F2RL1: variants seen among roughly 807,000 people sequenced by gnomAD.
The protein encoded by F2RL1 is proteinase-activated receptor 2.
Under a neutral mutation model 21.7 loss-of-function variants are expected in F2RL1, and 16 were observed. The observed-to-expected ratio is 0.74, with a 90% CI of 0.50 to 1.12. The LOEUF is 1.12. Ranked by LOEUF, F2RL1 falls within the 50% of genes most tolerant of loss-of-function variation. The pLI, the probability that F2RL1 is intolerant of heterozygous loss-of-function variation, is 0.00. For synonymous variants in F2RL1, 181 were observed against 186.7 expected (o/e 0.97, Z 0.25); for missense variants, 432 against 477.8 (o/e 0.90, Z 0.89).
At chr5:76,826,588 C>T (rs1478373087) in intron 1 of F2RL1, among the ~76,000 whole-genome samples, 3 of 149,132 alleles carry the variant, frequency 2.0e-5, no homozygotes, top group Non-Finnish European at 4.5e-5. Flanking sequence ...ATCTCTGCAA[C>T]CTTTGCCTCT....
At position 76,832,831 on chromosome 5, in the gene F2RL1, C is replaced by T. The variant is rs1750374442; in HGVS notation, c.224C>T (p.Thr75Ile). Residue 75 changes from threonine (T) to isoleucine (I), a missense_variant, in exon 2 of 2, where the codon ACT becomes ATT. Thr to Ile is a moderately conservative substitution (Grantham distance 89). Coordinates refer to ENST00000296677, the MANE Select transcript of F2RL1 (RefSeq NM_005242.6). ...SASVLTGKLT[T>I]VFLPIVYTIV... is the part of the protein sequence containing the mutation. ...TCTGTCCTCACTGGAAAACTGACCA[C>T]TGTCTTCCTTCCAATTGTCTACACA... The T allele has an allele frequency of 7.4e-6, 12 of 1,614,230 alleles. No homozygotes were observed. The highest frequency in any genetic ancestry group is 1.0e-5 in the Non-Finnish European group (12 of 1,180,032).
intron 1 of F2RL1, among the ~76,000 whole-genome samples, chr5:76,821,841 A>G (rs1296405423): frequency 1.3e-5 from 2 of 152,008 alleles, no homozygotes; most frequent in African/African-American, 4.8e-5. Flanking sequence ...TCAGCCTCCC[A>G]AAGTGCTGGG....
At chr5:76,827,325 C>CAAAAAAAAAAAAAAA (rs764040748) in intron 1 of F2RL1, among the ~76,000 whole-genome samples, 1 of 87,602 alleles carries the variant, frequency 1.1e-5, no homozygotes, top group African/African-American at 4.7e-5. Context: ...ACTAAAAATA[C>CAAAAAAAAAAAAAAA]AAAAAAAAAA....
chr5:76,824,118 A>G (rs1023461654), intron 1 of F2RL1, among the ~76,000 whole-genome samples: 1 of 147,712 alleles, frequency 6.8e-6, no homozygotes, highest in Non-Finnish European at 1.5e-5. Flanking sequence ...ACCCTGTACA[A>G]ACTTTTATAG....
chr5:76,821,944 A>C (rs1308190379), intron 1 of F2RL1, among the ~76,000 whole-genome samples: 3 of 152,126 alleles, frequency 2.0e-5, no homozygotes, highest in Non-Finnish European at 4.4e-5. Context: ...GAGCCAAAAC[A>C]AAAAAAGGAA....
At chr5:76,825,892 C>G (rs1750229501) in intron 1 of F2RL1, among the ~76,000 whole-genome samples, 1 of 152,146 alleles carries the variant, frequency 6.6e-6, no homozygotes, top group African/African-American at 2.4e-5. Context: ...ATTGCCATTC[C>G]TTGCTCCTTT....
chr5:76,824,489 C>T (rs1338623829), intron 1 of F2RL1, among the ~76,000 whole-genome samples: 2 of 151,972 alleles, frequency 1.3e-5, no homozygotes, highest in African/African-American at 4.8e-5. Flanking sequence ...CCACCACACC[C>T]AGCTAATTTT....
At chr5:76,827,325 CAAAAAAAAAAAA>C (rs764040748) in intron 1 of F2RL1, among the ~76,000 whole-genome samples, 8 of 87,572 alleles carry the variant, frequency 9.1e-5, no homozygotes, top group African/African-American at 2.8e-4. Flanking sequence ...ACTAAAAATA[CAAAAAAAAAAAA>C]AAAAAAAAAA....
intron 1 of F2RL1, among the ~76,000 whole-genome samples, chr5:76,824,568 C>T (rs1162289192): frequency 6.6e-6 from 1 of 152,020 alleles, no homozygotes; most frequent in African/African-American, 2.4e-5. Flanking sequence ...ATCTCATGAT[C>T]CGCCCGCCTT....
At chr5:76,821,579 T>A (rs1362441032) in intron 1 of F2RL1, among the ~76,000 whole-genome samples, 4 of 128,112 alleles carry the variant, frequency 3.1e-5, no homozygotes, top group African/African-American at 1.2e-4. Context: ...GTTTTTTTGG[T>A]TTTTTGGGTT....
In F2RL1 at chr5:76,833,416, G is replaced by C. The variant is rs2243062; in HGVS notation, c.809G>C (p.Arg270Pro). 1 of 1,613,800 alleles carries C rather than the reference G, an allele frequency of 6.2e-7. No homozygotes were observed. Among genetic ancestry groups the C allele is most frequent in the Admixed American group, 1.7e-5 (1 of 59,990 alleles). The part of the protein sequence containing the change: ...SAYVLMIRML[R>P]SSAMDENSEK... ...TATGTGCTGATGATCAGAATGCTGC[G>C]ATCTTCTGCCATGGATGAAAACTCA... Residue 270 changes from arginine (R) to proline (P), a missense_variant, in exon 2 of 2, where the codon CGA becomes CCA. Coordinates refer to ENST00000296677, the MANE Select transcript of F2RL1 (RefSeq NM_005242.6).
chr5:76,833,922 C>T lies in F2RL1; in HGVS notation c.*121C>T. 9.3e-7 allele frequency: 1 copy of T among 1,076,660 alleles called. No homozygotes were observed. The highest frequency in any genetic ancestry group is 1.3e-6 in the Non-Finnish European group (1 of 749,534). The allele number at this position is 1,076,660 out of a possible 1,614,324, so 66.7% of individuals were successfully genotyped here. A position where few individuals can be genotyped will look rare whatever the true frequency, so the allele number is the denominator to read the frequency against. Reference sequence around the variant, plus strand: ...CACCACATACCATGTGGATGCAGCACCTCTCAGGATTGCTAGGAGCTCCCC... The same window carrying T: ...CACCACATACCATGTGGATGCAGCATCTCTCAGGATTGCTAGGAGCTCCCC... On this transcript the variant is annotated 3_prime_UTR_variant, in exon 2 of 2. Coordinates refer to ENST00000296677, the MANE Select transcript of F2RL1 (RefSeq NM_005242.6).
In F2RL1 at chr5:76,819,073, T is replaced by G; in HGVS notation, c.-110T>G. On this transcript the variant is annotated 5_prime_UTR_variant, in exon 1 of 2. Transcript: ENST00000296677. ...GGGAGGCGCGCAGCAGAGGCTCCGA[T>G]TCGGGGCAGGTGAGAGGCTGACTTT... The G allele has an allele frequency of 1.2e-6, 1 of 864,936 alleles. No individual in the cohort carries two copies. The highest frequency in any genetic ancestry group is 1.8e-6 in the Non-Finnish European group (1 of 568,642). The allele number at this position is 864,936 out of a possible 1,614,324, so 53.6% of individuals were successfully genotyped here.
chr5:76,822,788 T>C (rs1378155216), intron 1 of F2RL1, among the ~76,000 whole-genome samples: 1 of 151,758 alleles, frequency 6.6e-6, no homozygotes, highest in African/African-American at 2.4e-5. Flanking sequence ...CTCCCAAAGA[T>C]TGGGAGCAAA....
chr5:76,832,631 C>G, intron 1 of F2RL1, 59 bp from the exon 2 acceptor site: 1 of 1,450,106 alleles, frequency 6.9e-7, no homozygotes, highest in Non-Finnish European at 9.3e-7. Context: ...TTGAACAAAC[C>G]AGTGTTACTG....
At chr5:76,819,862 C>T (rs1489993589) in intron 1 of F2RL1, among the ~76,000 whole-genome samples, 1 of 152,064 alleles carries the variant, frequency 6.6e-6, no homozygotes, top group Non-Finnish European at 1.5e-5. Flanking sequence ...GAGACCCACC[C>T]GGGTCCCGCT....
At chr5:76,827,491 C>T (rs1052392579) in intron 1 of F2RL1, among the ~76,000 whole-genome samples, 3 of 150,796 alleles carry the variant, frequency 2.0e-5, no homozygotes, top group African/African-American at 4.9e-5. Flanking sequence ...AGCGAGACTC[C>T]GTCTCAAAAA....
At chr5:76,831,991 T>C (rs1186976497) in intron 1 of F2RL1, among the ~76,000 whole-genome samples, 1 of 149,068 alleles carries the variant, frequency 6.7e-6, no homozygotes, top group Non-Finnish European at 1.5e-5. Context: ...TTAGTCAACA[T>C]AGCAAGACCC....
chr5:76,827,360 G>A (rs1458510885), intron 1 of F2RL1, among the ~76,000 whole-genome samples: 6 of 148,860 alleles, frequency 4.0e-5, no homozygotes, highest in South Asian at 2.1e-4. Flanking sequence ...TTAGCCAGGC[G>A]TGGTGGCAGG....
Sources: gnomAD v4.1 joint callset for allele counts (sites outside exome capture counted in the v4.1 genomes callset) on GRCh38, gnomAD v4.1.1 for gene constraint, MANE v1.5 for transcripts, NCBI Gene and HGNC (gene_info 2026-07-23, HGNC 2026-07-21) for gene names.